The following CADPS2 variants were observed in gnomAD, a reference collection of about 807,000 sequenced individuals.
The protein encoded by CADPS2 is calcium-dependent secretion activator 2.
CADPS2 carries 93 observed loss-of-function variants against 172.5 expected under a neutral mutation model. The observed-to-expected ratio is 0.54, with a 90% CI of 0.46 to 0.64. CADPS2 has a LOEUF of 0.64. CADPS2 is among the 30% of genes least tolerant of loss of function. The pLI is 0.00. For missense variants in CADPS2, 1,420 were observed against 1,565.9 expected, an observed-to-expected ratio of 0.91 and a Z score of 1.57; for synonymous variants, 546 against 555.2, an observed-to-expected ratio of 0.98 and a Z score of 0.23.
In CADPS2 at chr7:122,393,493, T is replaced by G. The variant is rs1310781330; in HGVS notation, c.2836A>C (p.Ile946Leu). ...AAACCTCTGTGAATTGACTGGGCGA[T>G]GGAAGACTCCATGAGATCCACATAG... Reference protein sequence around the residue: ...VRYVDLMESSIAQSIHRGFEQ... With the variant: ...VRYVDLMESSLAQSIHRGFEQ... The change falls in exon 21 of 30, where the codon ATC (isoleucine) becomes CTC (leucine). Residue 946 changes from isoleucine (I) to leucine (L), a missense_variant. By Grantham distance (5) the Ile-to-Leu change is conservative. Transcript: ENST00000449022. 6.2e-7 allele frequency: 1 copy of G among 1,613,806 alleles called. No individual in the cohort carries two copies. The highest frequency in any genetic ancestry group is 1.3e-5 in the African/African-American group (1 of 74,898).
At chr7:122,350,858 T>G (rs1251670046) in intron 27 of CADPS2, among the ~76,000 whole-genome samples, 2 of 151,742 alleles carry the variant, frequency 1.3e-5, no homozygotes, top group Non-Finnish European at 2.9e-5. Flanking sequence ...TGGTGGTGCA[T>G]CCCTGTAGTC....
chr7:122,482,429 C>T (rs2057401086), intron 11 of CADPS2, among the ~76,000 whole-genome samples: 1 of 152,080 alleles, frequency 6.6e-6, no homozygotes, highest in South Asian at 2.1e-4. Context: ...TACTCCACTC[C>T]CTGCCCCAAA....
intron 22 of CADPS2, among the ~76,000 whole-genome samples, chr7:122,391,862 CA>C (rs1425471067): frequency 6.6e-6 from 1 of 152,098 alleles, no homozygotes; most frequent in Non-Finnish European, 1.5e-5. Context: ...GACAGCAGAA[CA>C]AATTAATGAT....
intron 2 of CADPS2, among the ~76,000 whole-genome samples, chr7:122,725,073 CAT>C (rs1276472319): frequency 1.3e-5 from 2 of 151,920 alleles, no homozygotes; most frequent in Admixed American, 1.3e-4. Context: ...TGAACACAAA[CAT>C]ATTTTGAGAG....
At chr7:122,706,484 T>G (rs1175111232) in intron 2 of CADPS2, among the ~76,000 whole-genome samples, 6 of 146,920 alleles carry the variant, frequency 4.1e-5, no homozygotes, top group Non-Finnish European at 9.0e-5. Context: ...TATATTCCTT[T>G]TGTAGGCAGG....
At chr7:122,675,413 T>C (rs1411599888) in intron 2 of CADPS2, among the ~76,000 whole-genome samples, 2 of 152,184 alleles carry the variant, frequency 1.3e-5, no homozygotes, top group Non-Finnish European at 1.5e-5. Flanking sequence ...TAAAGTGATG[T>C]TCTCTCCTTT....
chr7:122,578,095 T>G (rs1395295618), intron 7 of CADPS2, among the ~76,000 whole-genome samples: 1 of 150,944 alleles, frequency 6.6e-6, no homozygotes, highest in Non-Finnish European at 1.5e-5. Flanking sequence ...TATATACACA[T>G]ATATATACAC....
intron 8 of CADPS2, among the ~76,000 whole-genome samples, chr7:122,523,802 G>A (rs1445327193): frequency 6.6e-6 from 1 of 152,102 alleles, no homozygotes; most frequent in African/African-American, 2.4e-5. Context: ...AAATTAGTAG[G>A]CTTTCCAAGC....
intron 28 of CADPS2, among the ~76,000 whole-genome samples, chr7:122,335,494 C>A (rs2035718451): frequency 6.6e-6 from 1 of 152,128 alleles, no homozygotes; most frequent in Non-Finnish European, 1.5e-5. Flanking sequence ...AAACTCCTGA[C>A]CTCAGATTAA....
intron 9 of CADPS2, among the ~76,000 whole-genome samples, chr7:122,497,195 G>C (rs2130159758): frequency 6.6e-6 from 1 of 151,902 alleles, no homozygotes; most frequent in Admixed American, 6.6e-5. Context: ...AATCTCTTCA[G>C]TCTCAATTAT....
intron 3 of CADPS2, among the ~76,000 whole-genome samples, chr7:122,645,994 CATTAATAGTGAATAA>C (rs1459021633): frequency 6.6e-6 from 1 of 151,682 alleles, no homozygotes; most frequent in Non-Finnish European, 1.5e-5. Flanking sequence ...TCTGTATTCA[CATTAATAGTGAATAA>C]TGCTGAGATT....
At chr7:122,877,968 C>T (rs989416735) in intron 1 of CADPS2, among the ~76,000 whole-genome samples, 13 of 152,088 alleles carry the variant, frequency 8.5e-5, no homozygotes, top group Non-Finnish European at 1.9e-4. Flanking sequence ...CCAGTGCTTT[C>T]CTAACAAAGA....
chr7:122,844,864 G>C (rs1360115128), intron 1 of CADPS2, among the ~76,000 whole-genome samples: 1 of 151,592 alleles, frequency 6.6e-6, no homozygotes, highest in East Asian at 1.9e-4. Context: ...TGGATGTAAA[G>C]ATAGACATGT....
intron 18 of CADPS2, among the ~76,000 whole-genome samples, chr7:122,415,210 TAG>T (rs1181612131): frequency 6.6e-6 from 1 of 152,236 alleles, no homozygotes; most frequent in Non-Finnish European, 1.5e-5. Flanking sequence ...AGCGAAAGCC[TAG>T]AGTTATCAAC....
At chr7:122,832,708 T>A (rs146901939) in intron 1 of CADPS2, among the ~76,000 whole-genome samples, 1 of 152,168 alleles carries the variant, frequency 6.6e-6, no homozygotes, top group Non-Finnish European at 1.5e-5. Flanking sequence ...GTTACAAATA[T>A]AAACTGAAGT....
intron 14 of CADPS2, among the ~76,000 whole-genome samples, chr7:122,470,079 G>A (rs1490740400): frequency 6.6e-6 from 1 of 152,174 alleles, no homozygotes; most frequent in Non-Finnish European, 1.5e-5. Context: ...AAATGTTGAT[G>A]CTATCACTTG....
At chr7:122,745,273 G>A (rs1000597251) in intron 1 of CADPS2, among the ~76,000 whole-genome samples, 43 of 151,584 alleles carry the variant, frequency 2.8e-4, no homozygotes, top group African/African-American at 1.0e-3. Flanking sequence ...TTGAAACTTT[G>A]CCCTCTTCTA....
intron 3 of CADPS2, among the ~76,000 whole-genome samples, chr7:122,659,494 T>C (rs1035027565): frequency 2.6e-5 from 4 of 151,972 alleles, no homozygotes; most frequent in Admixed American, 6.6e-5. Context: ...GACTGTGGGA[T>C]AACATGGGTA....
At chr7:122,343,892 T>G (rs1468464324) in intron 28 of CADPS2, among the ~76,000 whole-genome samples, 1 of 152,170 alleles carries the variant, frequency 6.6e-6, no homozygotes, top group East Asian at 1.9e-4. Context: ...GTTTCAGTAT[T>G]TTGTAAAAGA....
Sources: gnomAD v4.1 joint callset for allele counts (sites outside exome capture counted in the v4.1 genomes callset) on GRCh38, gnomAD v4.1.1 for gene constraint, MANE v1.5 for transcripts, NCBI Gene and HGNC (gene_info 2026-07-23, HGNC 2026-07-21) for gene names.